SH3TC2: variants seen among roughly 807,000 people sequenced by gnomAD.
SH3TC2 encodes the protein SH3 domain and tetratricopeptide repeat-containing protein 2.
A neutral mutation model predicts 124.5 loss-of-function variants in SH3TC2; 87 were observed. The ratio of observed to expected loss-of-function variants is 0.70; its 90% CI spans 0.59 to 0.84. SH3TC2 has a LOEUF of 0.84. Ranked by LOEUF, SH3TC2 falls within the 40% of genes least tolerant of loss-of-function variation. SH3TC2 has a pLI of 0.00. For synonymous variants in SH3TC2, 634 were observed against 628.5 expected (o/e 1.01, Z -0.13); for missense variants, 1,536 against 1,566.4 (o/e 0.98, Z 0.33).
rs373560057 is a variant in SH3TC2, at chr5:149,025,088, C to T, written c.3053+1484G>A. 4.6e-5 allele frequency among the ~76,000 whole-genome samples: 7 copies of T among 152,286 alleles called. No homozygotes were observed. In the East Asian group the frequency reaches 1.2e-3, roughly 25 times the overall value. On this transcript the variant is annotated intron_variant, in intron 12 of 16. Transcript: ENST00000515425. ...CCTCACCATGAGCATATGACTATGT[C>T]ATCTCAATAGTTAATTCAAGCCTGC...
intron 14 of SH3TC2, among the ~76,000 whole-genome samples, chr5:149,009,351 A>C (rs1187981437): frequency 1.3e-5 from 2 of 151,986 alleles, no homozygotes; most frequent in Non-Finnish European, 2.9e-5. Flanking sequence ...TATGAAGCAC[A>C]CATGAGTACA....
At chr5:149,029,058 G>A (rs949835312) in intron 9 of SH3TC2, among the ~76,000 whole-genome samples, 4 of 152,154 alleles carry the variant, frequency 2.6e-5, no homozygotes, top group Non-Finnish European at 2.9e-5. Flanking sequence ...GATAGAATCT[G>A]AAGATCAGAG....
intron 15 of SH3TC2, chr5:149,007,485 G>T: frequency 2.5e-6 from 1 of 392,226 alleles, no homozygotes; most frequent in Non-Finnish European, 4.6e-6. Context: ...AGTCTAGCTT[G>T]ATGGAGTAGC....
intron 3 of SH3TC2, chr5:149,047,620 A>C: frequency 2.0e-6 from 1 of 503,052 alleles, no homozygotes; most frequent in South Asian, 1.9e-5. Flanking sequence ...CAACTAATAG[A>C]ATATTTGAAA....
intron 16 of SH3TC2, 101 bp from the exon 17 acceptor site, chr5:149,005,003 T>G (rs1753663319): frequency 2.3e-6 from 3 of 1,316,444 alleles, no homozygotes; most frequent in East Asian, 2.4e-5. Flanking sequence ...TTTGTTTGTT[T>G]GTTTGTTTGT....
chr5:149,024,348 A>G (rs762457201), intron 12 of SH3TC2, among the ~76,000 whole-genome samples: 1 of 152,230 alleles, frequency 6.6e-6, no homozygotes, highest in African/African-American at 2.4e-5. Context: ...TGTGCTAGAC[A>G]TAATGTCTGC....
At chr5:149,031,040 A>C (rs1015354325) in intron 9 of SH3TC2, among the ~76,000 whole-genome samples, 7 of 152,216 alleles carry the variant, frequency 4.6e-5, no homozygotes, top group Non-Finnish European at 8.8e-5. Flanking sequence ...CCAACAACTC[A>C]AAGTCATTTT....
intron 2 of SH3TC2, among the ~76,000 whole-genome samples, chr5:149,051,341 C>G (rs1394457079): frequency 1.3e-5 from 2 of 152,198 alleles, no homozygotes; most frequent in Non-Finnish European, 2.9e-5. Context: ...TTTAGTTATT[C>G]ACTTATTTAA....
Position 149,026,302 on chromosome 5 carries a change from T to C in SH3TC2, c.3053+270A>G, listed in dbSNP as rs148926596. The C allele has an allele frequency of 5.1e-4, 260 of 504,898 alleles. 1 individual carries two copies. The highest frequency in any genetic ancestry group is 4.5e-3 in the African/African-American group (236 of 52,148). The allele number at this position is 504,898 out of a possible 1,614,324, so 31.3% of individuals were successfully genotyped here. On this transcript the variant is annotated intron_variant, in intron 12 of 16. Transcript: ENST00000515425. ...GAGTGTTTTATGAGCATTAACTCAT[T>C]TATCCTTCACAATAACACTATAAGA...
At chr5:149,037,746 A>T (rs1580907519) in intron 8 of SH3TC2, among the ~76,000 whole-genome samples, 1 of 152,126 alleles carries the variant, frequency 6.6e-6, no homozygotes. Context: ...CCTTCTCCTG[A>T]TTGGCCAGGC....
At chr5:149,014,302 C>A (rs1225583899) in intron 12 of SH3TC2, among the ~76,000 whole-genome samples, 1 of 152,214 alleles carries the variant, frequency 6.6e-6, no homozygotes, top group African/African-American at 2.4e-5. Flanking sequence ...CCAGGTTACA[C>A]TCCTGCACAC....
rs1033183283 is a variant in SH3TC2, at chr5:148,993,338, A to G, written c.*11373T>C. ...ATTTGACCTAAATAAATTATTGTCAATAAATTATAAGCCATCATTGTAAAA... is the reference window on the plus strand; with the variant it reads ...ATTTGACCTAAATAAATTATTGTCAGTAAATTATAAGCCATCATTGTAAAA... On this transcript the variant is annotated 3_prime_UTR_variant, in exon 17 of 17. Coordinates refer to ENST00000515425, the MANE Select transcript of SH3TC2 (RefSeq NM_024577.4). Among the ~76,000 whole-genome samples, 1 of 152,256 alleles carries G rather than the reference A, an allele frequency of 6.6e-6. No homozygotes were observed. Among genetic ancestry groups the G allele is most frequent in the African/African-American group, 2.4e-5 (1 of 41,470 alleles).
chr5:148,992,597 T>C lies in SH3TC2; in HGVS notation c.*12114A>G, dbSNP rs888519295. On this transcript the variant is annotated 3_prime_UTR_variant, in exon 17 of 17. Coordinates refer to ENST00000515425, the MANE Select transcript of SH3TC2 (RefSeq NM_024577.4). ...TACATAATTCCAAGAAGAGATTTCA[T>C]TGGTTTTTTTTTTTTTTTTTTTTTT... is the stretch of plus-strand genomic sequence containing the variant. 9.0e-5 allele frequency among the ~76,000 whole-genome samples: 9 copies of C among 100,338 alleles called. No individual in the cohort carries two copies. The highest frequency in any genetic ancestry group is 1.2e-4 in the Non-Finnish European group (6 of 51,532). 65.8% of individuals were successfully genotyped at this position (100,338 alleles called of 152,430 possible). A position where few individuals can be genotyped will look rare whatever the true frequency, so the allele number is the denominator to read the frequency against.
chr5:149,047,719 GAA>G, intron 3 of SH3TC2, 141 bp downstream of exon 3: 1 of 1,106,052 alleles, frequency 9.0e-7, no homozygotes, highest in Non-Finnish European at 1.4e-6. Context: ...AATGTGCACG[GAA>G]TCTTTCATTC....
intron 1 of SH3TC2, among the ~76,000 whole-genome samples, chr5:149,055,619 C>T (rs1754632760): frequency 6.6e-6 from 1 of 152,152 alleles, no homozygotes; most frequent in South Asian, 2.1e-4. Flanking sequence ...CCTTGGAAAG[C>T]TGACAGTGTC....
Position 148,993,000 on chromosome 5 carries a change from A to G in SH3TC2, c.*11711T>C, listed in dbSNP as rs1344969441. ...TTACCTCTGATCTGCCACTCTGCCC[A>G]TCTTCTGTGAATGAAAACTTAGCCC... On this transcript the variant is annotated 3_prime_UTR_variant, in exon 17 of 17. Coordinates refer to ENST00000515425, the MANE Select transcript of SH3TC2 (RefSeq NM_024577.4). Among the ~76,000 whole-genome samples the G allele has an allele frequency of 2.0e-5, 3 of 152,114 alleles. No homozygotes were observed. Among genetic ancestry groups the G allele is most frequent in the Non-Finnish European group, 4.4e-5 (3 of 68,024 alleles).
Position 149,023,939 on chromosome 5 carries a change from T to G in SH3TC2, c.3053+2633A>C, listed in dbSNP as rs1223303465. On this transcript the variant is annotated intron_variant, in intron 12 of 16. Transcript: ENST00000515425. ...GTAGAACATCAAATCTCTGATATTCTACTTCACTATATGTAATTTGGTTCT... is the reference window on the plus strand; with the variant it reads ...GTAGAACATCAAATCTCTGATATTCGACTTCACTATATGTAATTTGGTTCT... Among the ~76,000 whole-genome samples, 3 of 152,322 alleles carry G rather than the reference T, an allele frequency of 2.0e-5. No individual in the cohort carries two copies. In the East Asian group the frequency reaches 5.8e-4, roughly 29 times the overall value.
chr5:149,006,675 G>A (rs1753694002), intron 16 of SH3TC2, among the ~76,000 whole-genome samples: 1 of 152,110 alleles, frequency 6.6e-6, no homozygotes, highest in African/African-American at 2.4e-5. Flanking sequence ...GCGAAGATGG[G>A]AGCACCTTTG....
chr5:149,056,855 C>A (rs1353324756), intron 1 of SH3TC2, among the ~76,000 whole-genome samples: 2 of 152,012 alleles, frequency 1.3e-5, no homozygotes, highest in Admixed American at 6.6e-5. Context: ...TGGAAAAGAA[C>A]CAGAGATGAT....
Sources: gnomAD v4.1 joint callset for allele counts (sites outside exome capture counted in the v4.1 genomes callset) on GRCh38, gnomAD v4.1.1 for gene constraint, MANE v1.5 for transcripts, NCBI Gene and HGNC (gene_info 2026-07-23, HGNC 2026-07-21) for gene names.